ARHGAP8: variants seen among roughly 807,000 people sequenced by gnomAD.
The protein encoded by ARHGAP8 is Rho GTPase activating protein 8.
In ARHGAP8, 62 loss-of-function variants were observed where a neutral mutation model predicts 46.1. The observed-to-expected ratio is 1.34, with a 90% CI of 1.10 to 1.66. The LOEUF (loss-of-function observed/expected upper bound fraction) is 1.66. Ranked by LOEUF, ARHGAP8 falls within the 40% of genes most tolerant of loss-of-function variation. ARHGAP8 has a pLI of 0.00. For missense variants in ARHGAP8, 923 were observed against 568.4 expected (o/e 1.62, Z -6.34); for synonymous variants, 375 against 243.1 (o/e 1.54, Z -5.05).
At position 44,768,706 on chromosome 22, in the gene ARHGAP8, A is replaced by C. The variant is rs367736668; in HGVS notation, c.-72+16079A>C. 5.1e-4 allele frequency among the ~76,000 whole-genome samples: 77 copies of C among 152,290 alleles called. 1 individual carries two copies. The East Asian group carries it at 0.011, about 21-fold the overall frequency. Reference sequence around the variant, plus strand: ...AGATTCAGATGAAGCCTTTTGGGCAAGAGTTCCTTACAGCCCTGTGTCCTT... The same window carrying C: ...AGATTCAGATGAAGCCTTTTGGGCACGAGTTCCTTACAGCCCTGTGTCCTT... On this transcript the variant is annotated intron_variant, in intron 1 of 11. Coordinates refer to ENST00000356099, the MANE Select transcript of ARHGAP8 (RefSeq NM_181335.3).
intron 10 of ARHGAP8, among the ~76,000 whole-genome samples, chr22:44,854,019 T>C (rs989406304): frequency 3.9e-4 from 32 of 82,330 alleles, no homozygotes; most frequent in Admixed American, 2.8e-3. Context: ...AGCGAGACTC[T>C]GTCTCAAAAA....
chr22:44,860,805 A>C (rs2070441660), intron 11 of ARHGAP8, among the ~76,000 whole-genome samples: 1 of 152,066 alleles, frequency 6.6e-6, no homozygotes, highest in East Asian at 1.9e-4. Context: ...CAACCCCCAG[A>C]CCCACGGCCT....
intron 1 of ARHGAP8, among the ~76,000 whole-genome samples, chr22:44,771,488 C>A (rs1466455626): frequency 6.6e-6 from 1 of 151,054 alleles, no homozygotes; most frequent in Non-Finnish European, 1.5e-5. Flanking sequence ...CTCAGGTGAT[C>A]CACCCGCCTC....
intron 2 of ARHGAP8, among the ~76,000 whole-genome samples, chr22:44,800,726 T>TCCCCGCAGCTGTCCGTGTGTGGGGGCC (rs1928453051): frequency 5.4e-4 from 5 of 9,236 alleles, no homozygotes; most frequent in East Asian, 4.2e-3. Flanking sequence ...TGTGAGGGGG[T>TCCCCGCAGCTGTCCGTGTGTGGGGGCC]GCCTCTCCCC....
At chr22:44,762,250 C>T (rs1334545606) in intron 1 of ARHGAP8, among the ~76,000 whole-genome samples, 3 of 152,058 alleles carry the variant, frequency 2.0e-5, no homozygotes, top group Non-Finnish European at 4.4e-5. Flanking sequence ...CCAGTTTGGG[C>T]AATATAGTGA....
intron 4 of ARHGAP8, chr22:44,809,666 G>T: frequency 6.4e-6 from 1 of 157,382 alleles, no homozygotes; most frequent in East Asian, 1.8e-4. Flanking sequence ...CCTGGAGCCG[G>T]CAGACTTTTC....
At chr22:44,825,403 G>A in intron 6 of ARHGAP8, 80 bp from the exon 7 acceptor site, 4 of 1,488,666 alleles carry the variant, frequency 2.7e-6, no homozygotes, top group Non-Finnish European at 3.6e-6. Context: ...CTGCAGGTGG[G>A]GCATCCAGCC....
At chr22:44,813,480 C>A (rs1263472919) in intron 4 of ARHGAP8, among the ~76,000 whole-genome samples, 1 of 148,636 alleles carries the variant, frequency 6.7e-6, no homozygotes, top group Non-Finnish European at 1.5e-5. Context: ...CACATACAGA[C>A]ACCTACATGT....
chr22:44,761,822 T>C (rs1432269193), intron 1 of ARHGAP8, among the ~76,000 whole-genome samples: 1 of 152,152 alleles, frequency 6.6e-6, no homozygotes, highest in Non-Finnish European at 1.5e-5. Flanking sequence ...TTCACAATCA[T>C]GGTGGAAGTG....
intron 4 of ARHGAP8, among the ~76,000 whole-genome samples, chr22:44,811,767 G>A (rs1181381472): frequency 4.6e-5 from 7 of 152,216 alleles, no homozygotes; most frequent in South Asian, 4.1e-4. Flanking sequence ...AGTCTGAGGC[G>A]GGTGAGTCAT....
intron 11 of ARHGAP8, among the ~76,000 whole-genome samples, chr22:44,861,384 C>T (rs2070475060): frequency 6.6e-6 from 1 of 152,228 alleles, no homozygotes; most frequent in Non-Finnish European, 1.5e-5. Flanking sequence ...ACCCCAGTGG[C>T]ACCTGGGGGC....
chr22:44,802,128 C>T lies in ARHGAP8; in HGVS notation c.131C>T (p.Pro44Leu), dbSNP rs368156067. The part of the protein sequence containing the change: ...RVVTFSCCRM[P>L]PSHELDHQRL... ...GTCACGTTCAGCTGCTGCCGGATGC[C>T]ACCCTCCCACGAGCTGGACCACCAG... Residue 44 changes from proline to leucine, a missense_variant, in exon 3 of 12, where the codon CCA (proline) becomes CTA (leucine). By Grantham distance (98) the Pro-to-Leu change is moderately conservative. Transcript: ENST00000356099. The T allele has an allele frequency of 2.5e-6, 4 of 1,614,146 alleles. No individual in the cohort carries two copies. Among genetic ancestry groups the T allele is most frequent in the Non-Finnish European group, 2.5e-6 (3 of 1,179,992 alleles).
chr22:44,830,661 C>T (rs557475808), intron 7 of ARHGAP8, among the ~76,000 whole-genome samples: 5 of 152,210 alleles, frequency 3.3e-5, no homozygotes, highest in Non-Finnish European at 5.9e-5. Flanking sequence ...CTCACCCTCC[C>T]GAGTATGTGT....
At chr22:44,844,136 T>A (rs1461433380) in intron 7 of ARHGAP8, among the ~76,000 whole-genome samples, 1 of 152,056 alleles carries the variant, frequency 6.6e-6, no homozygotes, top group East Asian at 1.9e-4. Flanking sequence ...CACGCCTGGC[T>A]AATTTTTGCA....
intron 4 of ARHGAP8, chr22:44,808,660 CT>C (rs373818379): frequency 1.0e-4 from 87 of 852,662 alleles, no homozygotes; most frequent in Middle Eastern, 2.9e-4. Context: ...TTCTTTCTTT[CT>C]TTTTTTTAAG....
At chr22:44,817,871 T>C (rs1229437452) in intron 5 of ARHGAP8, among the ~76,000 whole-genome samples, 1 of 151,966 alleles carries the variant, frequency 6.6e-6, no homozygotes, top group Non-Finnish European at 1.5e-5. Flanking sequence ...TCCCAACACT[T>C]TGGGAGGCCA....
At chr22:44,768,073 C>T (rs923929986) in intron 1 of ARHGAP8, among the ~76,000 whole-genome samples, 1 of 129,210 alleles carries the variant, frequency 7.7e-6, no homozygotes, top group Non-Finnish European at 1.6e-5. Context: ...GATCTCGGCT[C>T]ACTGCAACCT....
intron 6 of ARHGAP8, among the ~76,000 whole-genome samples, chr22:44,825,051 C>T (rs1432014215): frequency 2.0e-5 from 3 of 151,334 alleles, no homozygotes; most frequent in Non-Finnish European, 2.9e-5. Flanking sequence ...TTTAATTGAG[C>T]ATCTAGTAGG....
rs188990457 is a variant in ARHGAP8, at chr22:44,795,825, G to C, written c.80-6252G>C. The stretch of plus-strand genomic sequence containing the variant: ...TCCCGGGACCCACCCAGTCTGGGGG[G>C]CTGCTCCTCCCACAAGCCTCCCAGC... On this transcript the variant is annotated intron_variant, in intron 2 of 11. Coordinates refer to ENST00000356099, the MANE Select transcript of ARHGAP8 (RefSeq NM_181335.3). Among the ~76,000 whole-genome samples the C allele has an allele frequency of 3.6e-3, 548 of 152,184 alleles. 7 individuals are homozygous for C. The highest frequency in any genetic ancestry group is 0.013 in the African/African-American group (531 of 41,524).
Sources: gnomAD v4.1 joint callset for allele counts (sites outside exome capture counted in the v4.1 genomes callset) on GRCh38, gnomAD v4.1.1 for gene constraint, MANE v1.5 for transcripts, NCBI Gene and HGNC (gene_info 2026-07-23, HGNC 2026-07-21) for gene names.